DGKB: variants seen among roughly 807,000 people sequenced by gnomAD.
DGKB encodes the protein diacylglycerol kinase beta, also known as 90 kDa diacylglycerol kinase.
A neutral mutation model predicts 114.3 loss-of-function variants in DGKB; 67 were observed. That is an observed-to-expected ratio of 0.59 (90% confidence interval 0.48 to 0.72). The LOEUF (loss-of-function observed/expected upper bound fraction) is 0.72. Among genes scored for constraint, DGKB ranks in the 30% least tolerant of loss-of-function variants. The pLI is 0.00. For missense variants in DGKB, 907 were observed against 975.2 expected (o/e 0.93, Z 0.93); for synonymous variants, 398 against 323.1 (o/e 1.23, Z -2.49).
At chr7:14,747,775 G>GCGCGCGCGCGTGCGCGCACACACACACA in intron 4 of DGKB, among the ~76,000 whole-genome samples, 1 of 149,278 alleles carries the variant, frequency 6.7e-6, no homozygotes, top group African/African-American at 2.5e-5. Flanking sequence ...ACATCCACGC[G>GCGCGCGCGCGTGCGCGCACACACACACA]CACGCACACA....
At chr7:14,323,725 G>A (rs1808232183) in intron 23 of DGKB, among the ~76,000 whole-genome samples, 6 of 152,196 alleles carry the variant, frequency 3.9e-5, no homozygotes, top group South Asian at 2.1e-4. Context: ...TTGGGCTTGA[G>A]TAGAGTGAGA....
At chr7:14,359,101 G>GATATATATATAT (rs144055630) in intron 21 of DGKB, among the ~76,000 whole-genome samples, 10 of 149,566 alleles carry the variant, frequency 6.7e-5, no homozygotes, top group African/African-American at 2.5e-4. Context: ...TACCAAAACA[G>GATATATATATAT]ATATATATAT....
chr7:14,400,580 C>A (rs1435899752), intron 21 of DGKB, among the ~76,000 whole-genome samples: 1 of 151,666 alleles, frequency 6.6e-6, no homozygotes, highest in Non-Finnish European at 1.5e-5. Flanking sequence ...TTTCAGCGTA[C>A]ATTCAAACTT....
intron 1 of DGKB, among the ~76,000 whole-genome samples, chr7:14,847,818 C>A (rs934005728): frequency 1.3e-5 from 2 of 152,080 alleles, no homozygotes; most frequent in Admixed American, 6.6e-5. Flanking sequence ...TAATTTTAAA[C>A]TTGAATGAAG....
intron 17 of DGKB, among the ~76,000 whole-genome samples, chr7:14,588,764 C>T (rs1013460548): frequency 1.3e-5 from 2 of 152,082 alleles, no homozygotes; most frequent in Admixed American, 1.3e-4. Flanking sequence ...GTTTTACTCA[C>T]GACTTTGTCC....
chr7:14,555,036 C>A (rs1373399473), intron 20 of DGKB, among the ~76,000 whole-genome samples: 1 of 152,062 alleles, frequency 6.6e-6, no homozygotes, highest in African/African-American at 2.4e-5. Context: ...TTTTCCTGTT[C>A]CGGATGATAG....
intron 23 of DGKB, among the ~76,000 whole-genome samples, chr7:14,319,932 A>G (rs115659710): frequency 3.5e-3 from 527 of 152,306 alleles, no homozygotes; most frequent in African/African-American, 0.012. Context: ...GTCCATTTGT[A>G]TTCTCACCTT....
rs568321257 is a variant in DGKB at position 14,158,512 on chromosome 7, C to T, written c.2305-9274G>A. Among the ~76,000 whole-genome samples, 30 of 152,266 alleles carry T rather than the reference C, an allele frequency of 2.0e-4. No individual in the cohort carries two copies. The South Asian group carries it at 5.0e-3, about 25-fold the overall frequency. On this transcript the variant is annotated intron_variant, in intron 25 of 25. Coordinates refer to ENST00000402815, the MANE Select transcript of DGKB (RefSeq NM_001350709.2). ...TTAGAAGAAGAAACTTCTTTAATGGCCCAATTTCTAGACTCAGCCATAACC... is the reference window on the plus strand; with the variant it reads ...TTAGAAGAAGAAACTTCTTTAATGGTCCAATTTCTAGACTCAGCCATAACC...
chr7:14,550,141 A>G (rs17168261), intron 20 of DGKB, among the ~76,000 whole-genome samples: 5,638 of 152,200 alleles, frequency 0.037, 203 homozygotes, highest in East Asian at 0.2. Flanking sequence ...CAAATTATTC[A>G]TTATTGGTTA....
intron 20 of DGKB, among the ~76,000 whole-genome samples, chr7:14,536,850 A>C (rs35029102): frequency 0.11 from 16,491 of 151,820 alleles, 1,378 homozygotes; most frequent in East Asian, 0.43. Context: ...GAAAAAAACA[A>C]CAACAAGGCA....
Position 14,407,017 on chromosome 7 carries a change from C to G in DGKB, c.1836-61626G>C, listed in dbSNP as rs534653966. On this transcript the variant is annotated intron_variant, in intron 21 of 25. Transcript: ENST00000402815. ...ATGCTTATAGTTATGAAAGAAAATT[C>G]AGGATCAAGTACATGAGGTCTATAG... 2.0e-4 allele frequency among the ~76,000 whole-genome samples: 30 copies of G among 152,094 alleles called. 1 individual carries two copies. In the South Asian group the frequency reaches 5.8e-3, roughly 29 times the overall value.
intron 13 of DGKB, among the ~76,000 whole-genome samples, chr7:14,663,208 T>C (rs1817461933): frequency 6.6e-6 from 1 of 151,992 alleles, no homozygotes; most frequent in African/African-American, 2.4e-5. Context: ...GGCTGAATCT[T>C]AACAAAGCTT....
At chr7:14,213,123 A>T (rs1751513963) in intron 23 of DGKB, among the ~76,000 whole-genome samples, 1 of 152,118 alleles carries the variant, frequency 6.6e-6, no homozygotes, top group South Asian at 2.1e-4. Flanking sequence ...AAAAATGGTA[A>T]CACATTCTAA....
At chr7:14,878,611 T>C (rs1462960276) in intron 1 of DGKB, among the ~76,000 whole-genome samples, 2 of 151,474 alleles carry the variant, frequency 1.3e-5, no homozygotes, top group Non-Finnish European at 3.0e-5. Context: ...TAGCTGGGCG[T>C]AGTGGCGGGC....
At position 14,147,807 on chromosome 7, in the gene DGKB, T is replaced by A. The variant is rs1334407680; in HGVS notation, c.*1324A>T. 3 of 152,510 alleles carry A rather than the reference T, an allele frequency of 2.0e-5. No individual in the cohort carries two copies. Among genetic ancestry groups the A allele is most frequent in the Non-Finnish European group, 4.4e-5 (3 of 67,976 alleles). 9.4% of individuals were successfully genotyped at this position (152,510 alleles called of 1,614,324 possible). On this transcript the variant is annotated 3_prime_UTR_variant, in exon 26 of 26. Coordinates refer to ENST00000402815, the MANE Select transcript of DGKB (RefSeq NM_001350709.2). Reference sequence around the variant, plus strand: ...TTACATCATAGGCTTAATGAAACACTAAAAGAAAAGTACTGTTCTGTGATT... The same window carrying A: ...TTACATCATAGGCTTAATGAAACACAAAAAGAAAAGTACTGTTCTGTGATT...
chr7:14,236,376 A>T (rs187580737), intron 23 of DGKB, among the ~76,000 whole-genome samples: 2 of 136,592 alleles, frequency 1.5e-5, no homozygotes, highest in African/African-American at 5.7e-5. Flanking sequence ...GCCAAAAAAA[A>T]GGAAAATTAA....
intron 21 of DGKB, among the ~76,000 whole-genome samples, chr7:14,403,672 G>A (rs939252461): frequency 6.6e-6 from 1 of 151,922 alleles, no homozygotes; most frequent in African/African-American, 2.4e-5. Context: ...TTTTCAATAA[G>A]GAAGTAAACT....
chr7:14,675,054 C>G (rs1819613424), intron 12 of DGKB, among the ~76,000 whole-genome samples: 1 of 152,118 alleles, frequency 6.6e-6, no homozygotes, highest in Non-Finnish European at 1.5e-5. Flanking sequence ...AGAGAAAGAG[C>G]TTTGGCTCTT....
chr7:14,961,548 G>A (rs1786844187), intron 1 of DGKB, among the ~76,000 whole-genome samples: 2 of 152,110 alleles, frequency 1.3e-5, no homozygotes. Context: ...AAGTGTGGTT[G>A]GGAGCAACAG....
Sources: allele counts gnomAD v4.1 joint callset (sites outside exome capture counted in the v4.1 genomes callset), GRCh38; gene constraint gnomAD v4.1.1; transcripts MANE v1.5; gene names NCBI Gene and HGNC (gene_info 2026-07-23, HGNC 2026-07-21).